The following ZIC1 variants were observed in gnomAD, a reference collection of about 807,000 sequenced individuals.
The protein encoded by ZIC1 is zinc finger protein ZIC 1.
Under a neutral mutation model 30.9 loss-of-function variants are expected in ZIC1, and 4 were observed. The observed-to-expected ratio is 0.13, with a 90% CI of 0.06 to 0.30. The LOEUF (loss-of-function observed/expected upper bound fraction) is 0.30. Ranked by LOEUF, ZIC1 falls within the 10% of genes least tolerant of loss-of-function variation. ZIC1 has a pLI of 1.00. For missense variants in ZIC1, 441 were observed against 639.3 expected (o/e 0.69, Z 3.34); for synonymous variants, 305 against 277.5 (o/e 1.10, Z -0.98).
Position 147,412,642 on chromosome 3 carries a change from G to A in ZIC1, c.1107G>A (p.Lys369=). 1 of 1,614,126 alleles carries A rather than the reference G, an allele frequency of 6.2e-7. No individual in the cohort carries two copies. Residue 369 remains lysine, a synonymous_variant, in exon 2 of 3, where the codon AAG becomes AAA. Coordinates refer to ENST00000282928, the MANE Select transcript of ZIC1 (RefSeq NM_003412.4). ...CCTATCTTTGCAAGATGTGCGACAAGTCCTACACGCATCCCAGTTCGCTGC... is the reference window on the plus strand; with the variant it reads ...CCTATCTTTGCAAGATGTGCGACAAATCCTACACGCATCCCAGTTCGCTGC... ...DKPYLCKMCD[K]SYTHPSSLRK... is the part of the protein sequence containing the mutation.
At position 147,416,450 on chromosome 3, in the gene ZIC1, A is replaced by AT. The variant is rs749059198; in HGVS notation, c.*2904dup. 3.3e-5 allele frequency: 5 copies of AT among 152,182 alleles called. No homozygotes were observed. Among genetic ancestry groups the AT allele is most frequent in the Non-Finnish European group, 7.4e-5 (5 of 68,026 alleles). The allele number at this position is 152,182 out of a possible 1,614,324, so 9.4% of individuals were successfully genotyped here. A position where few individuals can be genotyped will look rare whatever the true frequency, so the allele number is the denominator to read the frequency against. ...TCAAATTGGGAATTATAACTGTCTAATTTTTGTTGTGTACCTGATGCCCCT... is the reference window on the plus strand; with the variant it reads ...TCAAATTGGGAATTATAACTGTCTAATTTTTTGTTGTGTACCTGATGCCCCT... On this transcript the variant is annotated 3_prime_UTR_variant, in exon 3 of 3. Coordinates refer to ENST00000282928, the MANE Select transcript of ZIC1 (RefSeq NM_003412.4).
rs1191514028 is a variant in ZIC1 at position 147,414,572 on chromosome 3, G to A, written c.*1021G>A. ...AGATTCTTAAATCTCCGTGATTGTG[G>A]TAGGAATTTCTTCTTCACCCACCAG... is the stretch of plus-strand genomic sequence containing the variant. On this transcript the variant is annotated 3_prime_UTR_variant, in exon 3 of 3. Transcript: ENST00000282928. The A allele has an allele frequency of 6.6e-6, 1 of 152,532 alleles. No homozygotes were observed. The highest frequency in any genetic ancestry group is 1.5e-5 in the Non-Finnish European group (1 of 68,028). 9.4% of individuals were successfully genotyped at this position (152,532 alleles called of 1,614,324 possible).
Position 147,409,980 on chromosome 3 carries a change from A to T in ZIC1, c.-133A>T. The T allele has an allele frequency of 2.0e-6, 2 of 984,204 alleles. No homozygotes were observed. The highest frequency in any genetic ancestry group is 2.8e-6 in the Non-Finnish European group (2 of 716,268). The allele number at this position is 984,204 out of a possible 1,614,324, so 61.0% of individuals were successfully genotyped here. A position where few individuals can be genotyped will look rare whatever the true frequency, so the allele number is the denominator to read the frequency against. On this transcript the variant is annotated 5_prime_UTR_variant, in exon 1 of 3. Coordinates refer to ENST00000282928, the MANE Select transcript of ZIC1 (RefSeq NM_003412.4). The stretch of plus-strand genomic sequence containing the variant: ...GGCTAGGACTTCGCGAGGTGGGTCG[A>T]CTCCCCCTCCCTCCTCCTCTTCTTC...
At chr3:147,411,173 A>T (rs1215862510) in intron 1 of ZIC1, 79 bp downstream of exon 1, 7 of 1,529,342 alleles carry the variant, frequency 4.6e-6, no homozygotes, top group Non-Finnish European at 6.1e-6. Context: ...GCCAGGTCGC[A>T]CAAACGCAGC....
rs2087411008 is a variant in ZIC1 at position 147,414,104 on chromosome 3, A to C, written c.*553A>C. Reference sequence around the variant, plus strand: ...CCAACTGTTTGTACTGAATGGCAAGAATGTTCTAGTAAATGTGTACCAAAA... The same window carrying C: ...CCAACTGTTTGTACTGAATGGCAAGCATGTTCTAGTAAATGTGTACCAAAA... On this transcript the variant is annotated 3_prime_UTR_variant, in exon 3 of 3. Transcript: ENST00000282928. 1 of 152,138 alleles carries C rather than the reference A, an allele frequency of 6.6e-6. No individual in the cohort carries two copies. The highest frequency in any genetic ancestry group is 2.1e-4 in the South Asian group (1 of 4,804). 9.4% of individuals were successfully genotyped at this position (152,138 alleles called of 1,614,324 possible).
rs903297155 is a variant in ZIC1 at position 147,413,474 on chromosome 3, T to A, written c.1267T>A (p.Ser423Thr). The A allele has an allele frequency of 1.9e-6, 3 of 1,613,994 alleles. No individual in the cohort carries two copies. Among genetic ancestry groups the A allele is most frequent in the Non-Finnish European group, 1.7e-6 (2 of 1,180,020 alleles). ...STDNPTTSSLSPSSSAVHHTA... is the reference protein window; with the variant it reads ...STDNPTTSSLTPSSSAVHHTA... ...AGACAACCCGACCACAAGCTCCTTA[T>A]CGCCCTCCTCCTCCGCAGTCCACCA... Residue 423 changes from serine to threonine, a missense_variant, in exon 3 of 3, where the codon TCG becomes ACG. This residue lies in a region of ZIC1 where 56 missense variants were observed against 52.5 expected (regional missense o/e 1.07). Coordinates refer to ENST00000282928, the MANE Select transcript of ZIC1 (RefSeq NM_003412.4).
intron 2 of ZIC1, 101 bp downstream of exon 2, chr3:147,412,782 G>C: frequency 1.4e-6 from 2 of 1,450,954 alleles, no homozygotes; most frequent in Non-Finnish European, 1.9e-6. Context: ...GCGGGAGCCA[G>C]AGGAAGCGGG....
Position 147,410,841 on chromosome 3 carries a change from C to T in ZIC1, c.729C>T (p.Asn243=). Residue 243 remains asparagine (N), a synonymous_variant, in exon 1 of 3, where the codon AAC becomes AAT. Coordinates refer to ENST00000282928, the MANE Select transcript of ZIC1 (RefSeq NM_003412.4). ...EQLANPKKSC[N]KTFSTMHELV... Reference sequence around the variant, plus strand: ...TGGCCAACCCCAAAAAGTCGTGCAACAAAACTTTCAGCACCATGCACGAGC... The same window carrying T: ...TGGCCAACCCCAAAAAGTCGTGCAATAAAACTTTCAGCACCATGCACGAGC... 1 of 1,614,268 alleles carries T rather than the reference C, an allele frequency of 6.2e-7. No homozygotes were observed. Among genetic ancestry groups the T allele is most frequent in the Non-Finnish European group, 8.5e-7 (1 of 1,180,048 alleles).
rs769657730 is a variant in ZIC1 at position 147,410,655 on chromosome 3, G to T, written c.543G>T (p.Val181=). 10 of 1,613,598 alleles carry T rather than the reference G, an allele frequency of 6.2e-6. No homozygotes were observed. Among genetic ancestry groups the T allele is most frequent in the Non-Finnish European group, 8.5e-6 (10 of 1,179,936 alleles). The change falls in exon 1 of 3, where the codon GTG becomes GTT. Residue 181 remains valine (V), a synonymous_variant. Transcript: ENST00000282928. ...MYPRPEQYGQ[V]TSPRSEHYAA... ...CGCGACCGGAGCAGTACGGCCAGGT[G>T]ACCAGCCCGCGTTCGGAGCACTATG...
intron 1 of ZIC1, among the ~76,000 whole-genome samples, chr3:147,411,828 TAA>T (rs199986242): frequency 1.1e-4 from 16 of 144,424 alleles, no homozygotes; most frequent in South Asian, 4.4e-4. Flanking sequence ...CCGGAACAGT[TAA>T]AAAAAAAAAA....
Position 147,410,463 on chromosome 3 carries a change from G to A in ZIC1, c.351G>A (p.Gln117=), listed in dbSNP as rs753149616. ...ACGCGGCGGCGGCAGCCAGCGCACAGCACAGCCTCTTTGCTGCATCGGCCG... is the reference window on the plus strand; with the variant it reads ...ACGCGGCGGCGGCAGCCAGCGCACAACACAGCCTCTTTGCTGCATCGGCCG... ...FGDAAAAASA[Q]HSLFAASAGG... Residue 117 remains glutamine, a synonymous_variant, in exon 1 of 3, where the codon CAG becomes CAA. Coordinates refer to ENST00000282928, the MANE Select transcript of ZIC1 (RefSeq NM_003412.4). 3 of 1,603,620 alleles carry A rather than the reference G, an allele frequency of 1.9e-6. No individual in the cohort carries two copies. The South Asian group carries it at 3.3e-5, about 18-fold the overall frequency.
In ZIC1 at chr3:147,413,514, G is replaced by A; in HGVS notation, c.1307G>A (p.Ser436Asn). The change falls in exon 3 of 3, where the codon AGT becomes AAT. Residue 436 changes from serine (S) to asparagine (N), a missense_variant. Around this residue, in one of 5 missense-constraint regions of ZIC1, gnomAD observed 56 missense variants for 52.5 expected, o/e 1.07. Transcript: ENST00000282928. ...GCAGTCCACCACACAGCCGGCCACA[G>A]TGCGCTCTCTTCCAATTTTAACGAA... ...SSAVHHTAGHSALSSNFNEWY... is the reference protein window; with the variant it reads ...SSAVHHTAGHNALSSNFNEWY... 3.1e-6 allele frequency: 5 copies of A among 1,614,056 alleles called. No homozygotes were observed. The highest frequency in any genetic ancestry group is 4.2e-6 in the Non-Finnish European group (5 of 1,180,010).
At position 147,410,423 on chromosome 3, in the gene ZIC1, A is replaced by G; in HGVS notation, c.311A>G (p.Asn104Ser). Residue 104 changes from asparagine to serine, a missense_variant, in exon 1 of 3, where the codon AAC becomes AGC. Asn to Ser is a conservative substitution (Grantham distance 46, BLOSUM62 1). This residue lies in a region of ZIC1 where 307 missense variants were observed against 355.3 expected (regional missense o/e 0.86). Coordinates refer to ENST00000282928, the MANE Select transcript of ZIC1 (RefSeq NM_003412.4). The part of the protein sequence containing the change: ...FNSTRDFLFR[N>S]RGFGDAAAAA... ...TCCACGCGGGACTTTCTGTTCCGCAACCGGGGTTTTGGCGACGCGGCGGCG... is the reference window on the plus strand; with the variant it reads ...TCCACGCGGGACTTTCTGTTCCGCAGCCGGGGTTTTGGCGACGCGGCGGCG... 2 of 1,603,662 alleles carry G rather than the reference A, an allele frequency of 1.2e-6. No homozygotes were observed. The highest frequency in any genetic ancestry group is 1.7e-6 in the Non-Finnish European group (2 of 1,179,660).
chr3:147,410,174 G>T lies in ZIC1; in HGVS notation c.62G>T (p.Arg21Leu). Residue 21 changes from arginine to leucine, a missense_variant, in exon 1 of 3, where the codon CGC becomes CTC. Physicochemically the swap from Arg to Leu is moderately radical, Grantham distance 102. This residue lies in a region of ZIC1 where 307 missense variants were observed against 355.3 expected (regional missense o/e 0.86). Transcript: ENST00000282928. ...AIGVTTFGAS[R>L]HHSAGDVAER... ...GGCGTGACCACCTTTGGCGCGTCCC[G>T]CCACCACTCCGCGGGCGACGTGGCC... The T allele has an allele frequency of 3.1e-6, 5 of 1,599,796 alleles. No individual in the cohort carries two copies. Among genetic ancestry groups the T allele is most frequent in the Non-Finnish European group, 4.2e-6 (5 of 1,179,078 alleles).
Position 147,416,253 on chromosome 3 carries a change from T to C in ZIC1, c.*2702T>C, listed in dbSNP as rs2087433105. 1.3e-5 allele frequency: 2 copies of C among 152,258 alleles called. No individual in the cohort carries two copies. The highest frequency in any genetic ancestry group is 4.1e-4 in the South Asian group (2 of 4,838). 9.4% of individuals were successfully genotyped at this position (152,258 alleles called of 1,614,324 possible). On this transcript the variant is annotated 3_prime_UTR_variant, in exon 3 of 3. Transcript: ENST00000282928. ...CTAGAAAAGATAACACCACAATTAATAATCCTTCCCACTTTCATTGAGATC... is the reference window on the plus strand; with the variant it reads ...CTAGAAAAGATAACACCACAATTAACAATCCTTCCCACTTTCATTGAGATC...
Position 147,412,455 on chromosome 3 carries a change from T to G in ZIC1, c.983-63T>G, listed in dbSNP as rs577881326. 6 of 1,591,142 alleles carry G rather than the reference T, an allele frequency of 3.8e-6. No homozygotes were observed. In the African/African-American group the frequency reaches 5.4e-5, roughly 14 times the overall value. On this transcript the variant is annotated intron_variant, in intron 1 of 2. Coordinates refer to ENST00000282928, the MANE Select transcript of ZIC1 (RefSeq NM_003412.4). Reference sequence around the variant, plus strand: ...TTTATTTTTTTTCTATTTGTTTAGTTTTTGAAAAACGGCCGCGGTATTTTT... The same window carrying G: ...TTTATTTTTTTTCTATTTGTTTAGTGTTTGAAAAACGGCCGCGGTATTTTT...
chr3:147,413,804 G>C lies in ZIC1; in HGVS notation c.*253G>C, dbSNP rs1231907972. On this transcript the variant is annotated 3_prime_UTR_variant, in exon 3 of 3. Coordinates refer to ENST00000282928, the MANE Select transcript of ZIC1 (RefSeq NM_003412.4). ...ACCCAAGGTGCGGTAGGGGGTCGAGGGGGAGGAGGCCACCTGACCAAATGC... is the reference window on the plus strand; with the variant it reads ...ACCCAAGGTGCGGTAGGGGGTCGAGCGGGAGGAGGCCACCTGACCAAATGC... 1 of 368,450 alleles carries C rather than the reference G, an allele frequency of 2.7e-6. No individual in the cohort carries two copies. Among genetic ancestry groups the C allele is most frequent in the Non-Finnish European group, 4.7e-6 (1 of 213,720 alleles). 22.8% of individuals were successfully genotyped at this position (368,450 alleles called of 1,614,324 possible).
chr3:147,410,677 T>C lies in ZIC1; in HGVS notation c.565T>C (p.Tyr189His), dbSNP rs774516613. 2 of 1,613,870 alleles carry C rather than the reference T, an allele frequency of 1.2e-6. No homozygotes were observed. The highest frequency in any genetic ancestry group is 3.3e-5 in the Admixed American group (2 of 60,020). Residue 189 changes from tyrosine to histidine, a missense_variant, in exon 1 of 3, where the codon TAT becomes CAT. This residue lies in a region of ZIC1 where 307 missense variants were observed against 355.3 expected (regional missense o/e 0.86). Transcript: ENST00000282928. ...GGTGACCAGCCCGCGTTCGGAGCACTATGCTGCGCCGCAGCTGCACGGCTA... is the reference window on the plus strand; with the variant it reads ...GGTGACCAGCCCGCGTTCGGAGCACCATGCTGCGCCGCAGCTGCACGGCTA... ...GQVTSPRSEH[Y>H]AAPQLHGYGP...
chr3:147,413,301 C>T (rs1473202908), intron 2 of ZIC1, 53 bp from the exon 3 acceptor site: 21 of 1,570,300 alleles, frequency 1.3e-5, no homozygotes, highest in East Asian at 2.2e-5. Flanking sequence ...CCTCTCTAGT[C>T]GGCCGCCGCA....
Sources: gnomAD v4.1 joint callset for allele counts (sites outside exome capture counted in the v4.1 genomes callset) on GRCh38, gnomAD v4.1.1 for gene constraint, gnomAD v4.1.1 regional missense constraint, MANE v1.5 for transcripts, NCBI Gene and HGNC (gene_info 2026-07-23, HGNC 2026-07-21) for gene names.